Variants in STK33 observed in about 807,000 individuals in gnomAD.
The protein encoded by STK33 is serine/threonine kinase 33.
In STK33, 52 loss-of-function variants were observed where a neutral mutation model predicts 58.0. The observed-to-expected ratio is 0.90, with a 90% confidence interval of 0.72 to 1.13. The LOEUF (loss-of-function observed/expected upper bound fraction) is 1.13. Among genes scored for constraint, STK33 ranks in the 50% most tolerant of loss-of-function variants. STK33 has a pLI of 0.00. For missense variants in STK33, 630 were observed against 604.2 expected (o/e 1.04, Z -0.45); for synonymous variants, 215 against 200.1 (o/e 1.07, Z -0.63).
chr11:8,393,812 A>G (rs1205129083), intron 15 of STK33, among the ~76,000 whole-genome samples: 2 of 152,224 alleles, frequency 1.3e-5, no homozygotes, highest in South Asian at 2.1e-4. Flanking sequence ...AGCACTTAAT[A>G]TATGTTTGCC....
the STK33 span, among the ~76,000 whole-genome samples, chr11:8,337,952 G>A: frequency 2.9e-4 from 44 of 151,612 alleles, no homozygotes; most frequent in African/African-American, 7.0e-4. Flanking sequence ...CCCGTATTCC[G>A]TGCTGCCCCC....
chr11:8,492,393 C>T (rs1950695062), intron 1 of STK33, among the ~76,000 whole-genome samples: 1 of 152,168 alleles, frequency 6.6e-6, no homozygotes, highest in Non-Finnish European at 1.5e-5. Flanking sequence ...ACAAGAAGAG[C>T]TAACTATCCT....
chr11:8,375,191 T>C, the STK33 span, among the ~76,000 whole-genome samples: 1 of 152,240 alleles, frequency 6.6e-6, no homozygotes, highest in Non-Finnish European at 1.5e-5. Flanking sequence ...CAGACTACTA[T>C]TAATTTAGCT....
chr11:8,379,761 T>A, the STK33 span, among the ~76,000 whole-genome samples: 45 of 152,186 alleles, frequency 3.0e-4, no homozygotes, highest in Non-Finnish European at 6.2e-4. Context: ...TTTTTTCTGA[T>A]CCTCTCCCTC....
At chr11:8,414,027 G>A (rs867536435) in intron 14 of STK33, among the ~76,000 whole-genome samples, 7 of 152,146 alleles carry the variant, frequency 4.6e-5, no homozygotes, top group Admixed American at 1.3e-4. Flanking sequence ...TTAGAAAATT[G>A]AGAGGGAGGC....
At chr11:8,464,515 G>A (rs535595458) in intron 7 of STK33, among the ~76,000 whole-genome samples, 194 bp downstream of exon 7, 1 of 152,178 alleles carries the variant, frequency 6.6e-6, no homozygotes, top group Non-Finnish European at 1.5e-5. Flanking sequence ...TTTCCAGGCA[G>A]CACTTGCCTA....
chr11:8,346,083 A>G, the STK33 span, among the ~76,000 whole-genome samples: 2 of 152,226 alleles, frequency 1.3e-5, no homozygotes, highest in Non-Finnish European at 2.9e-5. Context: ...GAGTTTTATC[A>G]ATGGACAATT....
intron 6 of STK33, among the ~76,000 whole-genome samples, chr11:8,471,201 T>A (rs1948744182): frequency 6.6e-6 from 1 of 152,200 alleles, no homozygotes; most frequent in Admixed American, 6.5e-5. Context: ...AGTTAAACTT[T>A]TATTTTCTCT....
chr11:8,475,369 T>C (rs927537324), intron 4 of STK33: 3 of 152,956 alleles, frequency 2.0e-5, no homozygotes, highest in Admixed American at 6.5e-5. Context: ...CAGACATATA[T>C]GTATAGAGTG....
intron 1 of STK33, among the ~76,000 whole-genome samples, chr11:8,590,975 T>C (rs1049005307): frequency 5.3e-5 from 8 of 152,236 alleles, no homozygotes; most frequent in African/African-American, 1.7e-4. Context: ...TTAACAACTA[T>C]AGGTGTTTGA....
the STK33 span, among the ~76,000 whole-genome samples, chr11:8,343,548 GCAGAA>G: frequency 1.3e-4 from 20 of 152,318 alleles, no homozygotes; most frequent in African/African-American, 4.8e-4. Flanking sequence ...GCACACTCGG[GCAGAA>G]AGAACAGGGA....
At chr11:8,473,402 G>A in intron 5 of STK33, 126 bp from the exon 6 acceptor site, 1 of 621,544 alleles carries the variant, frequency 1.6e-6, no homozygotes, top group Non-Finnish European at 2.8e-6. Context: ...GCACAAGATT[G>A]TTTACTGTCT....
At chr11:8,518,466 T>C (rs1259111411) in intron 1 of STK33, among the ~76,000 whole-genome samples, 4 of 152,184 alleles carry the variant, frequency 2.6e-5, no homozygotes, top group Admixed American at 6.5e-5. Context: ...AACATCATAA[T>C]GACAGGATCA....
chr11:8,419,211 T>C (rs1941564983), intron 14 of STK33, among the ~76,000 whole-genome samples: 1 of 152,200 alleles, frequency 6.6e-6, no homozygotes, highest in Admixed American at 6.5e-5. Flanking sequence ...TTTTACAGTT[T>C]TGCATTTTAC....
At chr11:8,465,006 G>A (rs540447447) in intron 6 of STK33, 184 bp from the exon 7 acceptor site, 46 of 375,582 alleles carry the variant, frequency 1.2e-4, no homozygotes, top group South Asian at 3.6e-4. Context: ...CAAAATAAGC[G>A]TTGATGAATT....
chr11:8,460,863 A>G (rs974403546), intron 8 of STK33, among the ~76,000 whole-genome samples: 1 of 152,224 alleles, frequency 6.6e-6, no homozygotes, highest in Non-Finnish European at 1.5e-5. Flanking sequence ...CTTATAAAGG[A>G]TAACTGTGGT....
intron 1 of STK33, among the ~76,000 whole-genome samples, chr11:8,510,847 G>A (rs1952257076): frequency 6.6e-6 from 1 of 152,064 alleles, no homozygotes; most frequent in Admixed American, 6.6e-5. Flanking sequence ...TCTCCATTCT[G>A]TTCCATCGGT....
intron 15 of STK33, among the ~76,000 whole-genome samples, 174 bp downstream of exon 15, chr11:8,413,321 A>T (rs1470741266): frequency 1.3e-5 from 2 of 152,254 alleles, no homozygotes; most frequent in Non-Finnish European, 2.9e-5. Context: ...ATAAACATGT[A>T]GGCCACCTCG....
At chr11:8,338,502 T>A in the STK33 span, among the ~76,000 whole-genome samples, 1 of 152,068 alleles carries the variant, frequency 6.6e-6, no homozygotes, top group South Asian at 2.1e-4. Context: ...CGGTGCCACA[T>A]CAATGCTCTG....
Sources: gnomAD v4.1 joint callset for allele counts (sites outside exome capture counted in the v4.1 genomes callset) on GRCh38, gnomAD v4.1.1 for gene constraint, MANE v1.5 for transcripts, NCBI Gene and HGNC (gene_info 2026-07-23, HGNC 2026-07-21) for gene names.